The following SUPT3H variants were observed in gnomAD, a reference collection of about 807,000 sequenced individuals.
SUPT3H encodes transcription initiation protein SPT3 homolog.
In SUPT3H, 44 loss-of-function variants were observed where a neutral mutation model predicts 44.3. That is an observed-to-expected ratio of 0.99 (90% CI 0.78 to 1.28). SUPT3H has a LOEUF of 1.28. Ranked by LOEUF, SUPT3H falls within the 50% of genes most tolerant of loss-of-function variation. SUPT3H has a pLI of 0.00. For missense variants in SUPT3H, 380 were observed against 387.1 expected, an observed-to-expected ratio of 0.98 and a Z score of 0.15; for synonymous variants, 124 against 125.6, an observed-to-expected ratio of 0.99 and a Z score of 0.09.
chr6:45,187,948 TAAAC>T (rs1814520166), intron 2 of SUPT3H, among the ~76,000 whole-genome samples: 1 of 152,186 alleles, frequency 6.6e-6, no homozygotes, highest in Non-Finnish European at 1.5e-5. Flanking sequence ...ATTCAAGAAA[TAAAC>T]AATTCATAAG....
In SUPT3H at chr6:45,342,228, G is replaced by GA. The variant is rs34136015; in HGVS notation, c.101+22972dup. 2.7e-3 allele frequency among the ~76,000 whole-genome samples: 401 copies of GA among 149,228 alleles called. 1 individual carries two copies. Among genetic ancestry groups the GA allele is most frequent in the African/African-American group, 7.8e-3 (317 of 40,666 alleles). ...CTTTGTCACTACAGTTGTGCCTAGT[G>GA]AAAAAAAAATAGAATACTAAGTTAT... On this transcript the variant is annotated intron_variant, in intron 2 of 10. Transcript: ENST00000371459.
At chr6:45,230,234 G>A (rs1414448649) in intron 2 of SUPT3H, among the ~76,000 whole-genome samples, 1 of 152,114 alleles carries the variant, frequency 6.6e-6, no homozygotes, top group Non-Finnish European at 1.5e-5. Flanking sequence ...ATCAATGTCT[G>A]TTAAGTCCAT....
At chr6:44,893,881 G>A (rs11759854) in intron 10 of SUPT3H, among the ~76,000 whole-genome samples, 1 of 136,804 alleles carries the variant, frequency 7.3e-6, no homozygotes, top group Non-Finnish European at 1.6e-5. Flanking sequence ...TCTCCAGCAC[G>A]TGTTGCTTCC....
intron 10 of SUPT3H, among the ~76,000 whole-genome samples, chr6:44,842,285 C>G (rs114217079): frequency 1.3e-5 from 2 of 152,006 alleles, no homozygotes; most frequent in Non-Finnish European, 2.9e-5. Flanking sequence ...TCTTATTACA[C>G]AGGAGTCTCA....
intron 6 of SUPT3H, among the ~76,000 whole-genome samples, chr6:44,981,427 T>C (rs1339229801): frequency 1.1e-4 from 17 of 152,220 alleles, no homozygotes; most frequent in Admixed American, 1.1e-3. Context: ...GGGTACATCA[T>C]AGGGTAAATA....
At chr6:44,896,690 CTG>C (rs1361360941) in intron 10 of SUPT3H, among the ~76,000 whole-genome samples, 1 of 152,014 alleles carries the variant, frequency 6.6e-6, no homozygotes, top group Non-Finnish European at 1.5e-5. Context: ...TTTTGCTTTC[CTG>C]TAAGTAATTT....
At chr6:45,198,998 T>C (rs1363203313) in intron 2 of SUPT3H, among the ~76,000 whole-genome samples, 1 of 151,388 alleles carries the variant, frequency 6.6e-6, no homozygotes, top group Non-Finnish European at 1.5e-5. Flanking sequence ...TGTGCTATTT[T>C]ATAACATTTT....
chr6:44,845,429 A>G (rs1018232139), intron 10 of SUPT3H, among the ~76,000 whole-genome samples: 3 of 152,198 alleles, frequency 2.0e-5, no homozygotes, highest in African/African-American at 7.2e-5. Flanking sequence ...TATATGAAGT[A>G]GCAGGCTTTC....
At chr6:45,173,993 C>T (rs566401152) in intron 2 of SUPT3H, among the ~76,000 whole-genome samples, 1 of 152,206 alleles carries the variant, frequency 6.6e-6, no homozygotes, top group Non-Finnish European at 1.5e-5. Context: ...AATAGGGCAT[C>T]TGTTTGTGGC....
chr6:45,310,428 G>A (rs1413442633), intron 2 of SUPT3H, among the ~76,000 whole-genome samples: 1 of 152,114 alleles, frequency 6.6e-6, no homozygotes, highest in African/African-American at 2.4e-5. Context: ...CACTACTACA[G>A]CTGATGCTTT....
chr6:44,996,229 T>C (rs1781252203), intron 6 of SUPT3H, among the ~76,000 whole-genome samples: 1 of 151,862 alleles, frequency 6.6e-6, no homozygotes. Flanking sequence ...CACTCCCATC[T>C]TACTTTTGAC....
chr6:45,062,160 G>A (rs1189991094), intron 3 of SUPT3H, among the ~76,000 whole-genome samples: 1 of 151,588 alleles, frequency 6.6e-6, no homozygotes, highest in Non-Finnish European at 1.5e-5. Flanking sequence ...CCTCTTTTAG[G>A]TGAATTATTT....
intron 2 of SUPT3H, among the ~76,000 whole-genome samples, chr6:45,265,338 T>G (rs1775075617): frequency 6.6e-6 from 1 of 152,154 alleles, no homozygotes; most frequent in Non-Finnish European, 1.5e-5. Flanking sequence ...TATTTCATTC[T>G]TAGTTTTTCT....
intron 2 of SUPT3H, among the ~76,000 whole-genome samples, chr6:45,162,502 C>A (rs1010860002): frequency 6.6e-6 from 1 of 152,068 alleles, no homozygotes; most frequent in Non-Finnish European, 1.5e-5. Context: ...CCAGCCTGGG[C>A]AACAGTGCAA....
chr6:45,022,303 A>C (rs1489517496), intron 3 of SUPT3H, among the ~76,000 whole-genome samples: 1 of 152,082 alleles, frequency 6.6e-6, no homozygotes, highest in Non-Finnish European at 1.5e-5. Flanking sequence ...ACTACATATA[A>C]ATAATCTCTA....
intron 2 of SUPT3H, among the ~76,000 whole-genome samples, chr6:45,245,101 T>C (rs1356797561): frequency 6.6e-6 from 1 of 152,174 alleles, no homozygotes; most frequent in Non-Finnish European, 1.5e-5. Flanking sequence ...GGTAAGATCA[T>C]AAATATTTTC....
In SUPT3H at chr6:44,829,661, G is replaced by T; in HGVS notation, c.*155C>A. 1.3e-6 allele frequency: 1 copy of T among 760,088 alleles called. No individual in the cohort carries two copies. The highest frequency in any genetic ancestry group is 2.2e-6 in the Non-Finnish European group (1 of 456,050). 47.1% of individuals were successfully genotyped at this position (760,088 alleles called of 1,614,324 possible). A position where few individuals can be genotyped will look rare whatever the true frequency, so the allele number is the denominator to read the frequency against. On this transcript the variant is annotated 3_prime_UTR_variant, in exon 11 of 11. Coordinates refer to ENST00000371459, the MANE Select transcript of SUPT3H (RefSeq NM_003599.4). ...AACAAGACCGATGGTTGAGGGGCTG[G>T]AAAAGAGGAGGAGTCAGCAAGTTGA...
At chr6:45,374,298 A>G (rs1240908932) in intron 1 of SUPT3H, among the ~76,000 whole-genome samples, 6 of 152,222 alleles carry the variant, frequency 3.9e-5, no homozygotes, top group African/African-American at 1.4e-4. Flanking sequence ...AATAAACTTA[A>G]GGCTACAGCA....
chr6:45,307,332 C>T (rs555695299), intron 2 of SUPT3H, among the ~76,000 whole-genome samples: 4 of 152,186 alleles, frequency 2.6e-5, no homozygotes, highest in Non-Finnish European at 5.9e-5. Context: ...CAAGTGGGTC[C>T]CTGACACCCG....
Sources: gnomAD v4.1 joint callset for allele counts (sites outside exome capture counted in the v4.1 genomes callset) on GRCh38, gnomAD v4.1.1 for gene constraint, MANE v1.5 for transcripts, NCBI Gene and HGNC (gene_info 2026-07-23, HGNC 2026-07-21) for gene names.